Variants in PDE10A observed in about 807,000 individuals in gnomAD.
PDE10A encodes the protein cAMP and cAMP-inhibited cGMP 3',5'-cyclic phosphodiesterase 10A.
A neutral mutation model predicts 97.7 loss-of-function variants in PDE10A; 39 were observed. The observed-to-expected ratio is 0.40, with a 90% CI of 0.31 to 0.52. PDE10A has a LOEUF of 0.52. Among genes scored for constraint, PDE10A ranks in the 20% least tolerant of loss-of-function variants. The pLI, the probability that PDE10A is intolerant of heterozygous loss-of-function variation, is 0.56. For missense variants in PDE10A, 731 were observed against 1,047.8 expected, an observed-to-expected ratio of 0.70 and a Z score of 4.17; for synonymous variants, 371 against 376.8, an observed-to-expected ratio of 0.98 and a Z score of 0.18.
At chr6:165,612,514 G>T (rs982175982) in intron 1 of PDE10A, among the ~76,000 whole-genome samples, 1 of 151,944 alleles carries the variant, frequency 6.6e-6, no homozygotes, top group East Asian at 1.9e-4. Flanking sequence ...GATTACAAGC[G>T]CCCGCCACCA....
chr6:165,650,373 C>T (rs1244551133), intron 1 of PDE10A, among the ~76,000 whole-genome samples: 1 of 152,180 alleles, frequency 6.6e-6, no homozygotes, highest in Non-Finnish European at 1.5e-5. Flanking sequence ...CCCTTCTCCC[C>T]TCCACCTCCC....
At chr6:165,958,539 AAGAAAGAAAGAAAGAAAGAAAGAAAGAC>A (rs1562327095) in intron 1 of PDE10A, among the ~76,000 whole-genome samples, 1 of 36,912 alleles carries the variant, frequency 2.7e-5, no homozygotes, top group African/African-American at 6.7e-5. Flanking sequence ...GAAAGAAAGA[AAGAAAGAAAGAAAGAAAGAAAGAAAGAC>A]AGACAGAAAG....
chr6:165,802,341 A>G (rs1376626738), intron 1 of PDE10A, among the ~76,000 whole-genome samples: 3 of 152,180 alleles, frequency 2.0e-5, no homozygotes, highest in African/African-American at 7.2e-5. Flanking sequence ...CTGCACGAAT[A>G]TCCCCTGGCA....
chr6:165,707,923 A>G (rs1208396267), intron 1 of PDE10A, among the ~76,000 whole-genome samples: 1 of 152,134 alleles, frequency 6.6e-6, no homozygotes, highest in Non-Finnish European at 1.5e-5. Context: ...TCCTGCAGAT[A>G]AGAGAAGATT....
intron 18 of PDE10A, among the ~76,000 whole-genome samples, chr6:165,373,639 T>G (rs1163563196): frequency 6.6e-6 from 1 of 152,118 alleles, no homozygotes; most frequent in Non-Finnish European, 1.5e-5. Flanking sequence ...GGTGGGACTG[T>G]AAACTAGTTC....
At chr6:165,461,486 T>C (rs937161532) in intron 3 of PDE10A, among the ~76,000 whole-genome samples, 5 of 152,226 alleles carry the variant, frequency 3.3e-5, no homozygotes, top group African/African-American at 1.2e-4. Flanking sequence ...GTAGCTGTAA[T>C]TGAGGTATTG....
intron 2 of PDE10A, among the ~76,000 whole-genome samples, chr6:165,530,944 A>G (rs1240455232): frequency 6.6e-6 from 1 of 152,222 alleles, no homozygotes; most frequent in African/African-American, 2.4e-5. Context: ...CATTGCTTGC[A>G]GCATGAAATC....
chr6:165,695,843 C>T (rs1483580201), intron 1 of PDE10A, among the ~76,000 whole-genome samples: 2 of 152,106 alleles, frequency 1.3e-5, no homozygotes, highest in East Asian at 1.9e-4. Flanking sequence ...GAAAAAATAT[C>T]GAACGTTGAC....
intron 1 of PDE10A, among the ~76,000 whole-genome samples, chr6:165,545,878 G>T (rs1247853527): frequency 6.6e-6 from 1 of 151,992 alleles, no homozygotes; most frequent in Admixed American, 6.5e-5. Flanking sequence ...GCTAAATAGA[G>T]TCTTTCTGTA....
At chr6:165,591,887 G>A (rs1786292390) in intron 1 of PDE10A, among the ~76,000 whole-genome samples, 1 of 151,968 alleles carries the variant, frequency 6.6e-6, no homozygotes, top group South Asian at 2.1e-4. Context: ...GTCCATCCCA[G>A]AAAACCAAAT....
chr6:165,743,191 T>C (rs993833213), intron 1 of PDE10A, among the ~76,000 whole-genome samples: 2 of 152,242 alleles, frequency 1.3e-5, no homozygotes, highest in African/African-American at 4.8e-5. Flanking sequence ...CGTATTCCAG[T>C]GGAATTATTA....
intron 1 of PDE10A, among the ~76,000 whole-genome samples, chr6:165,731,354 G>C (rs533136089): frequency 2.0e-5 from 3 of 152,066 alleles, no homozygotes; most frequent in Non-Finnish European, 4.4e-5. Flanking sequence ...GGAGCTCCAG[G>C]GGCAGGTTCT....
At position 165,392,739 on chromosome 6, in the gene PDE10A, C is replaced by G; in HGVS notation, c.2361G>C (p.Arg787=). 1 of 1,613,816 alleles carries G rather than the reference C, an allele frequency of 6.2e-7. No homozygotes were observed. Among genetic ancestry groups the G allele is most frequent in the Non-Finnish European group, 8.5e-7 (1 of 1,179,740 alleles). ...CATGCTTCCAGTTGTGATAAGGAAC[C>G]CGCCGATAGTTCTTCTTCACAGACA... ...FIMSVKKNYR[R]VPYHNWKHAV... is the part of the protein sequence containing the mutation. The change falls in exon 16 of 22, where the codon CGG becomes CGC. Residue 787 remains arginine, a synonymous_variant. Coordinates refer to ENST00000539869, the MANE Select transcript of PDE10A (RefSeq NM_001385079.1).
At chr6:165,534,398 A>G (rs1375218029) in intron 2 of PDE10A, among the ~76,000 whole-genome samples, 2 of 151,952 alleles carry the variant, frequency 1.3e-5, no homozygotes, top group South Asian at 2.1e-4. Flanking sequence ...AATTCTATTC[A>G]AAGTATTTCA....
chr6:165,770,629 C>A (rs1777978416), intron 1 of PDE10A, among the ~76,000 whole-genome samples: 2 of 152,208 alleles, frequency 1.3e-5, no homozygotes, highest in African/African-American at 4.8e-5. Context: ...GCCCTCCATT[C>A]TGCCTGGGGA....
At chr6:165,540,633 G>A (rs943047226) in intron 2 of PDE10A, among the ~76,000 whole-genome samples, 4 of 151,988 alleles carry the variant, frequency 2.6e-5, no homozygotes, top group Admixed American at 6.6e-5. Flanking sequence ...ACTTGAGAAC[G>A]GGACTTTCTT....
rs1350590921 is a variant in PDE10A at position 165,388,631 on chromosome 6, T to C, written c.2455-178A>G. 6.6e-6 allele frequency among the ~76,000 whole-genome samples: 1 copy of C among 152,186 alleles called. No individual in the cohort carries two copies. The highest frequency in any genetic ancestry group is 1.5e-5 in the Non-Finnish European group (1 of 68,034). On this transcript the variant is annotated intron_variant, in intron 16 of 21. Coordinates refer to ENST00000539869, the MANE Select transcript of PDE10A (RefSeq NM_001385079.1). The surrounding 1 kb of genome is among the most constrained non-coding windows in gnomAD (Gnocchi z 4.0). The stretch of plus-strand genomic sequence containing the variant: ...CCTTAGGAATCTTGGAAATTCCAGA[T>C]AATCTAACTCATTTGTAGGCCCTTT...
chr6:165,463,823 C>T (rs916458755), intron 3 of PDE10A, among the ~76,000 whole-genome samples: 124 of 152,346 alleles, frequency 8.1e-4, no homozygotes, highest in African/African-American at 2.9e-3. Flanking sequence ...ACCTGGCCCG[C>T]CCAGGGCGGA....
rs541986109 is a variant in PDE10A at position 165,861,219 on chromosome 6, A to G, written c.-615+126310T>C. 1.1e-4 allele frequency among the ~76,000 whole-genome samples: 17 copies of G among 152,354 alleles called. No homozygotes were observed. The East Asian group carries it at 3.1e-3, about 28-fold the overall frequency. ...CCTGGAAGAGAAAGCTGGAGTGCAC[A>G]GATGGATGAATGTATTCGTTAGTTC... is the stretch of plus-strand genomic sequence containing the variant. On this transcript the variant is annotated intron_variant, in intron 1 of 19. Coordinates refer to the PDE10A transcript ENST00000366882.
Sources: allele counts gnomAD v4.1 joint callset (sites outside exome capture counted in the v4.1 genomes callset), GRCh38; gene constraint gnomAD v4.1.1; non-coding constraint Gnocchi (gnomAD v3.1); transcripts MANE v1.5; gene names NCBI Gene and HGNC (gene_info 2026-07-23, HGNC 2026-07-21).